Variants in NT5DC3 observed in about 807,000 individuals in gnomAD.
The protein encoded by NT5DC3 is 5'-nucleotidase domain containing 3.
NT5DC3 carries 42 observed loss-of-function variants against 67.8 expected under a neutral mutation model. That is an observed-to-expected ratio of 0.62 (90% confidence interval 0.48 to 0.80). NT5DC3 has a LOEUF of 0.80. NT5DC3 is among the 30% of genes least tolerant of loss of function. The pLI is 0.00. For missense variants in NT5DC3, 570 were observed against 696.4 expected (o/e 0.82, Z 2.04); for synonymous variants, 237 against 255.6 (o/e 0.93, Z 0.69).
the NT5DC3 span, among the ~76,000 whole-genome samples, chr12:103,756,997 ATATATATATAT>A: frequency 0.54 from 69,610 of 130,042 alleles, 17,667 homozygotes; most frequent in South Asian, 0.59. Context: ...AGGAGGGAAA[ATATATATATAT>A]ATATATATAT....
chr12:103,812,939 C>A (rs925596791), intron 2 of NT5DC3, among the ~76,000 whole-genome samples: 2 of 152,176 alleles, frequency 1.3e-5, no homozygotes, highest in South Asian at 2.1e-4. Context: ...ACTGTTACTA[C>A]GCCCATTTTA....
At chr12:103,785,198 C>T (rs1885711509) in intron 12 of NT5DC3, 137 bp downstream of exon 12, 1 of 783,140 alleles carries the variant, frequency 1.3e-6, no homozygotes, top group Non-Finnish European at 2.1e-6. Context: ...GGCAAAAGAA[C>T]CCCAATCGTT....
intron 4 of NT5DC3, among the ~76,000 whole-genome samples, chr12:103,801,171 A>C (rs1886558893): frequency 6.6e-6 from 1 of 152,072 alleles, no homozygotes; most frequent in Admixed American, 6.5e-5. Flanking sequence ...GGGGACCTGC[A>C]TCAGGGCTTA....
At position 103,798,655 on chromosome 12, in the gene NT5DC3, C is replaced by T. The variant is rs1210891098; in HGVS notation, c.547G>A (p.Glu183Lys). 4 of 1,613,724 alleles carry T rather than the reference C, an allele frequency of 2.5e-6. No individual in the cohort carries two copies. Among genetic ancestry groups the T allele is most frequent in the Non-Finnish European group, 3.4e-6 (4 of 1,179,712 alleles). ...VYRGLSVVPD[E>K]EVIEMYEGSH... is the part of the protein sequence containing the mutation. ...CCCTCGTACATTTCAATGACTTCTTCATCAGGGACAACACTGAGGCCTCTG... is the reference window on the plus strand; with the variant it reads ...CCCTCGTACATTTCAATGACTTCTTTATCAGGGACAACACTGAGGCCTCTG... The change falls in exon 5 of 14, where the codon GAA becomes AAA. Residue 183 changes from glutamate to lysine, a missense_variant. Around this residue, in one of 2 missense-constraint regions of NT5DC3, gnomAD observed 466 missense variants for 608.0 expected, o/e 0.77. Coordinates refer to ENST00000392876, the MANE Select transcript of NT5DC3 (RefSeq NM_001031701.3).
At position 103,826,472 on chromosome 12, in the gene NT5DC3, C is replaced by A. The variant is rs190258601; in HGVS notation, c.209-11351G>T. ...AGAGGGATGTGATTTGAGAAAGACT[C>A]AGAAAGCCATTGCTGGCTTTGAAAA... On this transcript the variant is annotated intron_variant, in intron 1 of 13. Coordinates refer to ENST00000392876, the MANE Select transcript of NT5DC3 (RefSeq NM_001031701.3). 3.3e-5 allele frequency among the ~76,000 whole-genome samples: 5 copies of A among 152,330 alleles called. No individual in the cohort carries two copies. In the East Asian group the frequency reaches 9.6e-4, roughly 29 times the overall value.
chr12:103,837,424 T>C lies in NT5DC3; in HGVS notation c.208+3525A>G, dbSNP rs972666007. 7.9e-5 allele frequency among the ~76,000 whole-genome samples: 12 copies of C among 152,316 alleles called. 1 individual carries two copies. In the South Asian group the frequency reaches 1.9e-3, roughly 24 times the overall value. The stretch of plus-strand genomic sequence containing the variant: ...GCAAATTTCTGCAGGCGGCTTAAAG[T>C]TCCCCTCAAAAAAAAATGGGTTTTT... On this transcript the variant is annotated intron_variant, in intron 1 of 13. Coordinates refer to ENST00000392876, the MANE Select transcript of NT5DC3 (RefSeq NM_001031701.3).
chr12:103,752,484 T>C, the NT5DC3 span, among the ~76,000 whole-genome samples: 11,067 of 152,284 alleles, frequency 0.073, 1,372 homozygotes, highest in African/African-American at 0.25. Context: ...TCTTGAACTA[T>C]TGCTGGTGTC....
downstream of NT5DC3, chr12:103,767,011 A>AAAAC (rs781008515): frequency 2.0e-5 from 3 of 152,468 alleles, no homozygotes; most frequent in Admixed American, 1.3e-4. Flanking sequence ...GCCACTGTAG[A>AAAAC]AAACAGTTTG....
intron 7 of NT5DC3, 147 bp from the exon 8 acceptor site, chr12:103,793,659 A>C: frequency 1.5e-6 from 1 of 646,824 alleles, no homozygotes; most frequent in Admixed American, 2.7e-5. Flanking sequence ...GTCCGGTGGA[A>C]CACGGGTACA....
At chr12:103,786,028 C>T (rs578193431) in intron 11 of NT5DC3, among the ~76,000 whole-genome samples, 7 of 152,104 alleles carry the variant, frequency 4.6e-5, no homozygotes, top group African/African-American at 1.7e-4. Context: ...GACATATAGT[C>T]ATCATACTAA....
At chr12:103,762,821 G>A in the NT5DC3 span, among the ~76,000 whole-genome samples, 5 of 152,364 alleles carry the variant, frequency 3.3e-5, no homozygotes, top group African/African-American at 4.8e-5. Context: ...CACAGCCAGA[G>A]GCTTTATGCT....
At chr12:103,783,589 T>C (rs970227990) in intron 12 of NT5DC3, among the ~76,000 whole-genome samples, 3 of 152,122 alleles carry the variant, frequency 2.0e-5, no homozygotes, top group African/African-American at 7.2e-5. Flanking sequence ...AAGTCACCTA[T>C]CTCGCTGTCT....
At chr12:103,802,579 G>C (rs1468221846) in intron 4 of NT5DC3, among the ~76,000 whole-genome samples, 1 of 152,164 alleles carries the variant, frequency 6.6e-6, no homozygotes, top group East Asian at 1.9e-4. Flanking sequence ...GAGCTGGGGG[G>C]ATGTGGGCTT....
At chr12:103,814,657 C>T (rs774730004) in intron 2 of NT5DC3, among the ~76,000 whole-genome samples, 6 of 152,166 alleles carry the variant, frequency 3.9e-5, no homozygotes, top group Admixed American at 1.3e-4. Flanking sequence ...CAGGAGACAC[C>T]GTGTCATTCT....
At chr12:103,778,128 T>C (rs770544339) in intron 13 of NT5DC3, 47 bp from the exon 14 acceptor site, 5 of 1,535,738 alleles carry the variant, frequency 3.3e-6, no homozygotes, top group Non-Finnish European at 4.4e-6. Flanking sequence ...GATTCAAAAA[T>C]CCTTGTTTTT....
intron 4 of NT5DC3, among the ~76,000 whole-genome samples, chr12:103,801,768 T>TGGC: frequency 6.6e-6 from 1 of 152,310 alleles, no homozygotes; most frequent in East Asian, 1.9e-4. Context: ...TGCCCTGTAA[T>TGGC]ACTCTTCTCT....
At chr12:103,770,117 C>T (rs917953749), downstream of NT5DC3, among the ~76,000 whole-genome samples, 3 of 152,136 alleles carry the variant, frequency 2.0e-5, no homozygotes, top group South Asian at 4.1e-4. Flanking sequence ...TATCCTCACA[C>T]GATTTTTTTT....
At chr12:103,761,258 C>T in the NT5DC3 span, 2 of 1,587,250 alleles carry the variant, frequency 1.3e-6, no homozygotes, top group Admixed American at 1.7e-5. Context: ...GGGCTGCCCA[C>T]TCGGAGAGTA....
rs1888396162 is a variant in NT5DC3, at chr12:103,840,982, C to T, written c.175G>A (p.Glu59Lys). Residue 59 changes from glutamate to lysine, a missense_variant, in exon 1 of 14, where the codon GAG (glutamate) becomes AAG (lysine). Glu to Lys is a moderately conservative substitution (Grantham distance 56, BLOSUM62 1). Around this residue, in one of 2 missense-constraint regions of NT5DC3, gnomAD observed 104 missense variants for 88.4 expected, o/e 1.18. Transcript: ENST00000392876. ...TAPDMKRYLW[E>K]RYREAKRSTE... ...CTTCTCTTCGCCTCCCGGTAGCGCT[C>T]CCACAGGTAGCGCTTCATGTCCGGG... 1.5e-6 allele frequency: 2 copies of T among 1,335,248 alleles called. No individual in the cohort carries two copies. The highest frequency in any genetic ancestry group is 2.0e-5 in the South Asian group (1 of 49,118). 82.7% of individuals were successfully genotyped at this position (1,335,248 alleles called of 1,614,324 possible).
Sources: gnomAD v4.1 joint callset for allele counts (sites outside exome capture counted in the v4.1 genomes callset) on GRCh38, gnomAD v4.1.1 for gene constraint, gnomAD v4.1.1 regional missense constraint, MANE v1.5 for transcripts, NCBI Gene and HGNC (gene_info 2026-07-23, HGNC 2026-07-21) for gene names.